The following DSCAM variants were observed in gnomAD, a reference collection of about 807,000 sequenced individuals.
DSCAM encodes DS cell adhesion molecule.
Under a neutral mutation model 217.7 loss-of-function variants are expected in DSCAM, and 47 were observed. The ratio of observed to expected loss-of-function variants is 0.22; its 90% CI spans 0.17 to 0.28. The LOEUF is 0.28. Among genes scored for constraint, DSCAM ranks in the 10% least tolerant of loss-of-function variants. DSCAM has a pLI of 1.00. For synonymous variants in DSCAM, 1,056 were observed against 1,015.3 expected (o/e 1.04, Z -0.76); for missense variants, 2,080 against 2,618.3 (o/e 0.79, Z 4.49).
intron 3 of DSCAM, among the ~76,000 whole-genome samples, chr21:40,417,917 G>C (rs1013047357): frequency 6.6e-6 from 1 of 152,166 alleles, no homozygotes; most frequent in Non-Finnish European, 1.5e-5. Context: ...GTATAAACGG[G>C]GAAGGTGAGG....
At chr21:40,071,282 T>A (rs563659611) in intron 27 of DSCAM, among the ~76,000 whole-genome samples, 86 of 151,436 alleles carry the variant, frequency 5.7e-4, no homozygotes, top group Admixed American at 9.9e-4. Context: ...GTTATAGATT[T>A]AAAAAAAAAT....
chr21:40,839,264 T>C (rs1183434481), intron 1 of DSCAM, among the ~76,000 whole-genome samples: 1 of 152,186 alleles, frequency 6.6e-6, no homozygotes, highest in Non-Finnish European at 1.5e-5. Flanking sequence ...ACCCCAGAGT[T>C]TGAGAACAGG....
chr21:40,784,581 G>A (rs2091576647), intron 1 of DSCAM, among the ~76,000 whole-genome samples: 1 of 152,112 alleles, frequency 6.6e-6, no homozygotes, highest in Non-Finnish European at 1.5e-5. Context: ...CCGAATATCT[G>A]TGCCTCCCCA....
intron 3 of DSCAM, among the ~76,000 whole-genome samples, chr21:40,444,378 C>T (rs534851511): frequency 3.9e-5 from 6 of 152,240 alleles, no homozygotes; most frequent in African/African-American, 1.4e-4. Context: ...TGTGATCTGC[C>T]TGAGAAGAGA....
chr21:40,835,467 G>A (rs1186357012), intron 1 of DSCAM, among the ~76,000 whole-genome samples: 1 of 152,086 alleles, frequency 6.6e-6, no homozygotes, highest in African/African-American at 2.4e-5. Flanking sequence ...TTATTGTAAA[G>A]AGACAGTCTA....
At chr21:40,736,497 G>A (rs1393582521) in intron 1 of DSCAM, among the ~76,000 whole-genome samples, 4 of 152,176 alleles carry the variant, frequency 2.6e-5, no homozygotes, top group Non-Finnish European at 5.9e-5. Context: ...GAGGTTAGAA[G>A]TTCAAGATCA....
intron 3 of DSCAM, among the ~76,000 whole-genome samples, chr21:40,674,629 TTTC>T (rs1293304014): frequency 0.02 from 1,046 of 51,180 alleles, 25 homozygotes; most frequent in African/African-American, 0.054. Context: ...TCTTTTTCTT[TTTC>T]TTTTTTTTTT....
intron 1 of DSCAM, among the ~76,000 whole-genome samples, chr21:40,716,822 G>C (rs1487917979): frequency 2.0e-5 from 3 of 152,056 alleles, no homozygotes; most frequent in African/African-American, 7.2e-5. Context: ...ACAAGTCCTG[G>C]TACTACTGCC....
At chr21:40,444,080 G>A (rs1423196818) in intron 3 of DSCAM, among the ~76,000 whole-genome samples, 2 of 152,100 alleles carry the variant, frequency 1.3e-5, no homozygotes, top group Admixed American at 1.3e-4. Context: ...TTCCCTCCTT[G>A]TCTTTCCAGC....
chr21:40,014,212 A>G (rs2018943), intron 32 of DSCAM, among the ~76,000 whole-genome samples: 89,917 of 152,046 alleles, frequency 0.59, 27,171 homozygotes, highest in East Asian at 0.73. Context: ...CCAACATGGC[A>G]AAACCCCCTC....
intron 3 of DSCAM, among the ~76,000 whole-genome samples, chr21:40,465,701 G>A (rs908304676): frequency 1.3e-5 from 2 of 152,070 alleles, no homozygotes; most frequent in African/African-American, 4.8e-5. Flanking sequence ...TTTTATGAGT[G>A]GCCCAAGACA....
intron 3 of DSCAM, among the ~76,000 whole-genome samples, chr21:40,673,368 A>G (rs2090299335): frequency 6.6e-6 from 1 of 152,234 alleles, no homozygotes; most frequent in South Asian, 2.1e-4. Flanking sequence ...TAAAAGTAGA[A>G]ATTTCAGATT....
intron 3 of DSCAM, among the ~76,000 whole-genome samples, chr21:40,477,058 C>T (rs12483748): frequency 0.094 from 14,367 of 152,094 alleles, 820 homozygotes; most frequent in Middle Eastern, 0.17. Flanking sequence ...ATATAACTTC[C>T]TAAATAGTAT....
rs201672838 is a variant in DSCAM at position 40,121,681 on chromosome 21, C to CTTTTTTTTTTTTTTTTTTTTTTTTT, written c.3696+2489_3696+2513dup. Among the ~76,000 whole-genome samples the CTTTTTTTTTTTTTTTTTTTTTTTTT allele has an allele frequency of 2.3e-4, 17 of 73,734 alleles. 3 individuals are homozygous for CTTTTTTTTTTTTTTTTTTTTTTTTT. The highest frequency in any genetic ancestry group is 5.8e-4 in the African/African-American group (10 of 17,380). 48.4% of individuals were successfully genotyped at this position (73,734 alleles called of 152,430 possible). The stretch of plus-strand genomic sequence containing the variant: ...CTGGTGGGTTTGCTCTCATTACTGT[C>CTTTTTTTTTTTTTTTTTTTTTTTTT]TTTTTTTTTTTTTTTTTTTTTTTTT... On this transcript the variant is annotated intron_variant, in intron 20 of 32. Transcript: ENST00000400454.
intron 3 of DSCAM, among the ~76,000 whole-genome samples, chr21:40,475,066 G>A (rs1396358026): frequency 6.6e-6 from 1 of 152,154 alleles, no homozygotes; most frequent in Non-Finnish European, 1.5e-5. Context: ...TGAAGTTGGA[G>A]AGCACTTAAG....
chr21:40,073,664 G>A (rs778524483), intron 27 of DSCAM, among the ~76,000 whole-genome samples: 16 of 151,938 alleles, frequency 1.1e-4, no homozygotes, highest in Non-Finnish European at 1.3e-4. Context: ...TCACTGATGC[G>A]GTCTTTCTTT....
At chr21:40,530,457 C>G (rs1409163964) in intron 3 of DSCAM, among the ~76,000 whole-genome samples, 1 of 152,178 alleles carries the variant, frequency 6.6e-6, no homozygotes, top group African/African-American at 2.4e-5. Context: ...ACTGAGTTTA[C>G]ACTGAAAGTA....
rs1343736059 is a variant in DSCAM, at chr21:40,319,630, AT to A, written c.1784-7272del. ...GTAGTGGAATTACTGGATTATATAA[AT>A]TTTTTTAGGAAACTTCCTATTGTTT... is the stretch of plus-strand genomic sequence containing the variant. On this transcript the variant is annotated intron_variant, in intron 8 of 32. Coordinates refer to ENST00000400454, the MANE Select transcript of DSCAM (RefSeq NM_001389.5). 4.6e-5 allele frequency among the ~76,000 whole-genome samples: 7 copies of A among 152,218 alleles called. 1 individual carries two copies. In the South Asian group the frequency reaches 1.2e-3, roughly 27 times the overall value.
chr21:40,707,077 T>C (rs2090725792), intron 2 of DSCAM, among the ~76,000 whole-genome samples: 1 of 152,200 alleles, frequency 6.6e-6, no homozygotes. Flanking sequence ...TAGAAGATGA[T>C]AGTTAAAACA....
Sources: allele counts gnomAD v4.1 joint callset (sites outside exome capture counted in the v4.1 genomes callset), GRCh38; gene constraint gnomAD v4.1.1; transcripts MANE v1.5; gene names NCBI Gene and HGNC (gene_info 2026-07-23, HGNC 2026-07-21).